Variants in DNAJC6 observed in about 807,000 individuals in gnomAD.
DNAJC6 encodes the protein auxilin.
A neutral mutation model predicts 110.0 loss-of-function variants in DNAJC6; 34 were observed. That is an observed-to-expected ratio of 0.31 (90% confidence interval 0.24 to 0.41). The LOEUF (loss-of-function observed/expected upper bound fraction) is 0.41. Ranked by LOEUF, DNAJC6 falls within the 10% of genes least tolerant of loss-of-function variation. DNAJC6 has a pLI of 1.00. For synonymous variants in DNAJC6, 406 were observed against 437.2 expected, an observed-to-expected ratio of 0.93 and a Z score of 0.89; for missense variants, 1,031 against 1,207.8, an observed-to-expected ratio of 0.85 and a Z score of 2.17.
At chr1:65,365,779 C>T (rs1182963252) in intron 2 of DNAJC6, 106 bp from the exon 3 acceptor site, 1 of 1,255,958 alleles carries the variant, frequency 8.0e-7, no homozygotes, top group Admixed American at 2.0e-5. Flanking sequence ...CGAAACATGC[C>T]CCCTGGACAG....
chr1:65,266,844 T>C lies in DNAJC6; in HGVS notation c.-131+1912T>C, dbSNP rs1570186734. On this transcript the variant is annotated intron_variant, in intron 1 of 19. Transcript: ENST00000263441. ...CACTCCTGGTTTCTCAGTGTATCAG[T>C]GTGTTTTAAGCTCAGATCCCCAGCC... 2.0e-5 allele frequency among the ~76,000 whole-genome samples: 3 copies of C among 152,230 alleles called. No homozygotes were observed. The South Asian group carries it at 6.2e-4, about 32-fold the overall frequency.
At chr1:65,368,079 T>C (rs961222174) in intron 4 of DNAJC6, among the ~76,000 whole-genome samples, 15 of 152,238 alleles carry the variant, frequency 9.9e-5, no homozygotes, top group Admixed American at 5.2e-4. Context: ...AGATATAAAA[T>C]AAATATTTGG....
chr1:65,272,101 AAGCAGT>A (rs1653525835), intron 1 of DNAJC6, among the ~76,000 whole-genome samples: 1 of 152,110 alleles, frequency 6.6e-6, no homozygotes, highest in East Asian at 1.9e-4. Flanking sequence ...TGTTGAATAG[AAGCAGT>A]GATGGTGAGT....
chr1:65,369,127 G>C (rs1328383829), intron 4 of DNAJC6, among the ~76,000 whole-genome samples: 1 of 151,980 alleles, frequency 6.6e-6, no homozygotes, highest in South Asian at 2.1e-4. Flanking sequence ...ATGCCACGAG[G>C]CTTTTCCAAT....
intron 13 of DNAJC6, among the ~76,000 whole-genome samples, chr1:65,397,433 A>G (rs1370407814): frequency 6.6e-6 from 1 of 152,244 alleles, no homozygotes; most frequent in African/African-American, 2.4e-5. Context: ...ATAAATAATC[A>G]TAATAAAAGG....
intron 1 of DNAJC6, among the ~76,000 whole-genome samples, chr1:65,267,021 C>T (rs1330195097): frequency 1.3e-5 from 2 of 152,008 alleles, no homozygotes; most frequent in African/African-American, 2.4e-5. Context: ...CTCAGCCTCC[C>T]GAGTAGCTGG....
chr1:65,291,053 A>G (rs1390886225), intron 1 of DNAJC6, among the ~76,000 whole-genome samples: 1 of 152,212 alleles, frequency 6.6e-6, no homozygotes, highest in Non-Finnish European at 1.5e-5. Context: ...TGTTTGTTTG[A>G]AGTGGAGTCT....
intron 1 of DNAJC6, among the ~76,000 whole-genome samples, chr1:65,329,861 A>C (rs1292554689): frequency 6.6e-6 from 1 of 152,078 alleles, no homozygotes; most frequent in Non-Finnish European, 1.5e-5. Context: ...ATGTTTATTG[A>C]TGTTCAGTGG....
intron 1 of DNAJC6, among the ~76,000 whole-genome samples, chr1:65,298,594 C>CA (rs537005307): frequency 7.5e-5 from 11 of 146,798 alleles, no homozygotes; most frequent in Non-Finnish European, 1.4e-4. Flanking sequence ...CTGACCATGA[C>CA]TTTTTTTTTT....
At chr1:65,320,210 A>G (rs1339854467) in intron 1 of DNAJC6, among the ~76,000 whole-genome samples, 1 of 152,218 alleles carries the variant, frequency 6.6e-6, no homozygotes, top group African/African-American at 2.4e-5. Context: ...AGGCAGTTGC[A>G]TTTCATTCAG....
At chr1:65,320,134 A>G (rs1645184851) in intron 1 of DNAJC6, among the ~76,000 whole-genome samples, 1 of 152,232 alleles carries the variant, frequency 6.6e-6, no homozygotes, top group South Asian at 2.1e-4. Context: ...TTGCTGCTTC[A>G]ATCAGCAAAG....
chr1:65,408,730 G>T lies in DNAJC6; in HGVS notation c.2581G>T (p.Ala861Ser). The T allele has an allele frequency of 6.2e-7, 1 of 1,614,086 alleles. No individual in the cohort carries two copies. Among genetic ancestry groups the T allele is most frequent in the Non-Finnish European group, 8.5e-7 (1 of 1,179,980 alleles). Reference sequence around the variant, plus strand: ...AGACAAAAAGGGGCCTCGGACAATAGCTGAGATGAGAAAGGAGGAAATGGC... The same window carrying T: ...AGACAAAAAGGGGCCTCGGACAATATCTGAGATGAGAAAGGAGGAAATGGC... ...HKDKKGPRTI[A>S]EMRKEEMAKE... The change falls in exon 17 of 19, where the codon GCT (alanine) becomes TCT (serine). Residue 861 changes from alanine (A) to serine (S), a missense_variant. Physicochemically the swap from Ala to Ser is moderately conservative, Grantham distance 99 (BLOSUM62 1). Coordinates refer to ENST00000371069, the MANE Select transcript of DNAJC6 (RefSeq NM_001256864.2).
intron 1 of DNAJC6, among the ~76,000 whole-genome samples, chr1:65,288,384 T>C (rs549306579): frequency 4.6e-5 from 7 of 152,284 alleles, no homozygotes; most frequent in African/African-American, 1.4e-4. Flanking sequence ...TTATAACTAA[T>C]GGCAACATTG....
intron 1 of DNAJC6, among the ~76,000 whole-genome samples, chr1:65,326,755 G>T (rs1645245157): frequency 6.6e-6 from 1 of 152,176 alleles, no homozygotes; most frequent in African/African-American, 2.4e-5. Flanking sequence ...TGTGTACATG[G>T]CTTCCTCAGA....
chr1:65,365,774 C>A (rs968429509), intron 2 of DNAJC6, 111 bp from the exon 3 acceptor site: 1 of 1,207,206 alleles, frequency 8.3e-7, no homozygotes, highest in East Asian at 2.3e-5. Flanking sequence ...GGAGTCGAAA[C>A]ATGCCCCCTG....
chr1:65,359,072 CT>C (rs764112335), intron 1 of DNAJC6, among the ~76,000 whole-genome samples: 1 of 152,184 alleles, frequency 6.6e-6, no homozygotes, highest in Non-Finnish European at 1.5e-5. Flanking sequence ...AGCAGCCACA[CT>C]TTTTTATATT....
chr1:65,364,965 G>A (rs536206365), intron 2 of DNAJC6, among the ~76,000 whole-genome samples, 180 bp downstream of exon 2: 5 of 152,228 alleles, frequency 3.3e-5, no homozygotes, highest in East Asian at 3.9e-4. Flanking sequence ...CTATAAGCAC[G>A]GGCTGGGAGG....
chr1:65,304,565 A>G (rs1645019763), upstream of DNAJC6, among the ~76,000 whole-genome samples: 1 of 152,254 alleles, frequency 6.6e-6, no homozygotes, highest in African/African-American at 2.4e-5. Context: ...GAAGAGAATC[A>G]TGTAATTCCA....
In DNAJC6 at chr1:65,408,714, G is replaced by A. The variant is rs1374384551; in HGVS notation, c.2565G>A (p.Lys855=). 1.2e-6 allele frequency: 2 copies of A among 1,613,976 alleles called. No homozygotes were observed. The highest frequency in any genetic ancestry group is 2.2e-5 in the East Asian group (1 of 44,888). ...GQGFNAHKDK[K]GPRTIAEMRK... is the part of the protein sequence containing the mutation. ...GTTTCAATGCTCACAAAGACAAAAA[G>A]GGGCCTCGGACAATAGCTGAGATGA... The change falls in exon 17 of 19, where the codon AAG becomes AAA. Residue 855 remains lysine (K), a synonymous_variant. Transcript: ENST00000371069.
Sources: allele counts gnomAD v4.1 joint callset (sites outside exome capture counted in the v4.1 genomes callset), GRCh38; gene constraint gnomAD v4.1.1; transcripts MANE v1.5; gene names NCBI Gene and HGNC (gene_info 2026-07-23, HGNC 2026-07-21).